TAF3: variants seen among roughly 807,000 people sequenced by gnomAD.
TAF3 encodes the protein TATA-box binding protein associated factor 3, also known as transcription initiation factor TFIID subunit 3.
In TAF3, 7 loss-of-function variants were observed where a neutral mutation model predicts 80.6. The observed-to-expected ratio is 0.09, with a 90% confidence interval of 0.05 to 0.16. The LOEUF (loss-of-function observed/expected upper bound fraction) is 0.16. Ranked by LOEUF, TAF3 falls within the 10% of genes least tolerant of loss-of-function variation. The probability of loss-of-function intolerance (pLI) is 1.00; values close to 1 mark genes in which losing one functional copy is unlikely to be tolerated. For synonymous variants in TAF3, 444 were observed against 446.1 expected, an observed-to-expected ratio of 1.00 and a Z score of 0.06; for missense variants, 921 against 1,140.2, an observed-to-expected ratio of 0.81 and a Z score of 2.77.
At chr10:8,012,606 G>A (rs1588351338) in intron 5 of TAF3, among the ~76,000 whole-genome samples, 1 of 152,170 alleles carries the variant, frequency 6.6e-6, no homozygotes, top group African/African-American at 2.4e-5. Context: ...CAGCAGGTAC[G>A]GGTGACTGCT....
chr10:8,005,803 T>C (rs1415187960), intron 4 of TAF3, among the ~76,000 whole-genome samples: 1 of 152,182 alleles, frequency 6.6e-6, no homozygotes, highest in Non-Finnish European at 1.5e-5. Context: ...AGCGATAACT[T>C]TGAACTCCTA....
chr10:7,845,958 TG>T (rs956635358), intron 2 of TAF3, among the ~76,000 whole-genome samples: 8 of 132,000 alleles, frequency 6.1e-5, no homozygotes, highest in African/African-American at 1.9e-4. Flanking sequence ...TGTGTGTTTT[TG>T]TTTTTTTTTT....
intron 2 of TAF3, among the ~76,000 whole-genome samples, chr10:7,940,607 A>G (rs1490941985): frequency 2.0e-5 from 3 of 152,212 alleles, no homozygotes; most frequent in African/African-American, 7.2e-5. Context: ...GAAGGGAATT[A>G]TTATTTGAGA....
chr10:7,821,627 C>T (rs1564340308), intron 1 of TAF3, among the ~76,000 whole-genome samples: 1 of 152,184 alleles, frequency 6.6e-6, no homozygotes, highest in African/African-American at 2.4e-5. Flanking sequence ...TGTCTCCAAG[C>T]ATTCAAGGGC....
intron 2 of TAF3, among the ~76,000 whole-genome samples, chr10:7,870,223 T>C (rs1243184383): frequency 6.6e-6 from 1 of 152,230 alleles, no homozygotes; most frequent in African/African-American, 2.4e-5. Context: ...TGATCCCAAG[T>C]CCATCATTCC....
intron 4 of TAF3, among the ~76,000 whole-genome samples, chr10:8,002,970 C>CT (rs144780952): frequency 0.013 from 1,984 of 152,132 alleles, 47 homozygotes; most frequent in African/African-American, 0.045. Flanking sequence ...GCCTTAAAGT[C>CT]TTTTTTGTGT....
chr10:7,824,669 A>T, intron 2 of TAF3, 109 bp downstream of exon 2: 1 of 1,340,568 alleles, frequency 7.5e-7, no homozygotes, highest in Non-Finnish European at 1.0e-6. Context: ...CACAATAGAA[A>T]CATTTACTGT....
intron 4 of TAF3, among the ~76,000 whole-genome samples, chr10:7,995,196 C>T (rs1469325077): frequency 2.0e-5 from 3 of 151,896 alleles, no homozygotes; most frequent in East Asian, 1.9e-4. Flanking sequence ...AAAATGCTGT[C>T]CTAGAGTCAC....
intron 2 of TAF3, among the ~76,000 whole-genome samples, chr10:7,870,118 T>C (rs1837251273): frequency 6.6e-6 from 1 of 152,216 alleles, no homozygotes; most frequent in South Asian, 2.1e-4. Flanking sequence ...AAACTTGCTT[T>C]AAGGACTCGC....
intron 4 of TAF3, among the ~76,000 whole-genome samples, chr10:8,007,696 T>G (rs1449846053): frequency 6.6e-6 from 1 of 150,422 alleles, no homozygotes. Flanking sequence ...TTTACTCAAA[T>G]TCCTTTCTCT....
At chr10:7,856,316 A>T (rs891503479) in intron 2 of TAF3, among the ~76,000 whole-genome samples, 9 of 152,058 alleles carry the variant, frequency 5.9e-5, no homozygotes, top group African/African-American at 1.9e-4. Flanking sequence ...TCTCTACTAA[A>T]AATACAAAAA....
chr10:7,888,008 A>G lies in TAF3; in HGVS notation c.409+63448A>G, dbSNP rs190654614. 9.2e-5 allele frequency among the ~76,000 whole-genome samples: 14 copies of G among 152,204 alleles called. No individual in the cohort carries two copies. The East Asian group carries it at 1.2e-3, about 13-fold the overall frequency. On this transcript the variant is annotated intron_variant, in intron 2 of 6. Transcript: ENST00000344293. ...TTAAAGTGCCCCTGCCACCACCGCC[A>G]TTGTGGTGAATGTCACCCATCTGTC...
rs1424154328 is a variant in TAF3, at chr10:7,872,472, C to T, written c.409+47912C>T. Among the ~76,000 whole-genome samples, 4 of 151,968 alleles carry T rather than the reference C, an allele frequency of 2.6e-5. No homozygotes were observed. The East Asian group carries it at 7.7e-4, about 29-fold the overall frequency. On this transcript the variant is annotated intron_variant, in intron 2 of 6. Coordinates refer to ENST00000344293, the MANE Select transcript of TAF3 (RefSeq NM_031923.4). ...TATATTGCCGTTTATCAGCACTAAGCAATATTGTAGATGGAAATATATAAA... is the reference window on the plus strand; with the variant it reads ...TATATTGCCGTTTATCAGCACTAAGTAATATTGTAGATGGAAATATATAAA...
chr10:8,000,598 C>T (rs934678144), intron 4 of TAF3, among the ~76,000 whole-genome samples: 21 of 151,662 alleles, frequency 1.4e-4, no homozygotes, highest in African/African-American at 5.1e-4. Flanking sequence ...AAAACCCCGT[C>T]TCTACACACA....
rs529691549 is a variant in TAF3 at position 7,881,081 on chromosome 10, C to G, written c.409+56521C>G. Among the ~76,000 whole-genome samples, 18 of 152,040 alleles carry G rather than the reference C, an allele frequency of 1.2e-4. No homozygotes were observed. The Middle Eastern group carries it at 0.01, about 86-fold the overall frequency. The stretch of plus-strand genomic sequence containing the variant: ...GGAAGCCCCGTCTCTACAAAAAATA[C>G]AAAAATTAGCCAGGTGTGGTGGTGC... On this transcript the variant is annotated intron_variant, in intron 2 of 6. Coordinates refer to ENST00000344293, the MANE Select transcript of TAF3 (RefSeq NM_031923.4).
At chr10:7,981,422 T>C (rs1831724574) in intron 4 of TAF3, among the ~76,000 whole-genome samples, 1 of 152,190 alleles carries the variant, frequency 6.6e-6, no homozygotes, top group Admixed American at 6.5e-5. Flanking sequence ...CATCCCATCA[T>C]GCATGGTCAT....
intron 4 of TAF3, among the ~76,000 whole-genome samples, chr10:8,000,861 TTTTTTC>T (rs1564380999): frequency 6.6e-6 from 1 of 152,216 alleles, no homozygotes; most frequent in Non-Finnish European, 1.5e-5. Flanking sequence ...TCTTTCAAAC[TTTTTTC>T]TAAGTATACA....
chr10:7,900,720 G>A (rs1167322049), intron 2 of TAF3, among the ~76,000 whole-genome samples: 1 of 152,304 alleles, frequency 6.6e-6, no homozygotes, highest in Middle Eastern at 3.4e-3. Context: ...AGTTTCCCCA[G>A]TTTGGGGGGA....
intron 2 of TAF3, among the ~76,000 whole-genome samples, chr10:7,947,335 T>TTCTCTGGGTTAGGCGCTGTTTAG (rs143407870): frequency 0.17 from 25,137 of 151,922 alleles, 2,292 homozygotes; most frequent in East Asian, 0.29. Flanking sequence ...TGTGAGGGCC[T>TTCTCTGGGTTAGGCGCTGTTTAG]TCTCTGGGTT....
Sources: allele counts gnomAD v4.1 joint callset (sites outside exome capture counted in the v4.1 genomes callset), GRCh38; gene constraint gnomAD v4.1.1; transcripts MANE v1.5; gene names NCBI Gene and HGNC (gene_info 2026-07-23, HGNC 2026-07-21).